The following ERC2 variants were observed in gnomAD, a reference collection of about 807,000 sequenced individuals.
The protein encoded by ERC2 is ELKS/RAB6-interacting/CAST family member 2.
A neutral mutation model predicts 114.8 loss-of-function variants in ERC2; 42 were observed. The observed-to-expected ratio is 0.37, with a 90% CI of 0.29 to 0.47. The LOEUF (loss-of-function observed/expected upper bound fraction) is 0.47, where lower values mean the gene tolerates loss of function less well. Among genes scored for constraint, ERC2 ranks in the 20% least tolerant of loss-of-function variants. The probability of loss-of-function intolerance (pLI) is 0.99; values close to 1 mark genes in which losing one functional copy is unlikely to be tolerated. For missense variants in ERC2, 939 were observed against 1,150.7 expected, an observed-to-expected ratio of 0.82 and a Z score of 2.66; for synonymous variants, 454 against 425.5, an observed-to-expected ratio of 1.07 and a Z score of -0.82.
At chr3:56,453,999 G>A (rs1016487982) in intron 1 of ERC2, among the ~76,000 whole-genome samples, 31 of 152,098 alleles carry the variant, frequency 2.0e-4, no homozygotes, top group African/African-American at 7.0e-4. Flanking sequence ...CAAAAGAAAG[G>A]CAACACATGC....
chr3:56,254,943 A>G (rs547822208), intron 3 of ERC2, among the ~76,000 whole-genome samples: 1 of 152,380 alleles, frequency 6.6e-6, no homozygotes, highest in Admixed American at 6.5e-5. Flanking sequence ...CCGGTGAAAA[A>G]TTATTGTAGC....
intron 14 of ERC2, among the ~76,000 whole-genome samples, chr3:55,742,451 GT>G (rs1339353850): frequency 6.6e-6 from 1 of 152,184 alleles, no homozygotes; most frequent in East Asian, 1.9e-4. Flanking sequence ...GTGGGTTCTT[GT>G]TTTAGTTAGC....
intron 4 of ERC2, among the ~76,000 whole-genome samples, chr3:56,156,296 G>A (rs2149974699): frequency 6.6e-6 from 1 of 152,302 alleles, no homozygotes; most frequent in South Asian, 2.1e-4. Flanking sequence ...TAAGAAAAAA[G>A]TTAAGATGGC....
chr3:55,636,290 G>T (rs2059955513), intron 17 of ERC2, among the ~76,000 whole-genome samples: 2 of 152,220 alleles, frequency 1.3e-5, no homozygotes, highest in African/African-American at 2.4e-5. Flanking sequence ...CTGTCAAAGA[G>T]TAAGGCTGAC....
chr3:55,584,046 GT>G (rs2057464510), intron 17 of ERC2, among the ~76,000 whole-genome samples: 1 of 152,142 alleles, frequency 6.6e-6, no homozygotes, highest in Non-Finnish European at 1.5e-5. Flanking sequence ...TTGATTCATC[GT>G]TAAAAGAGCT....
intron 3 of ERC2, among the ~76,000 whole-genome samples, chr3:56,256,266 C>G (rs2150246633): frequency 6.6e-6 from 1 of 152,326 alleles, no homozygotes; most frequent in Middle Eastern, 3.4e-3. Context: ...GTTAATATTT[C>G]AAAAACATTA....
intron 3 of ERC2, among the ~76,000 whole-genome samples, chr3:56,275,141 T>C (rs1344016208): frequency 6.6e-6 from 1 of 151,970 alleles, no homozygotes; most frequent in East Asian, 1.9e-4. Flanking sequence ...TCCCAAGCAA[T>C]GGAAGGGCCA....
chr3:56,239,378 C>T (rs906530122), intron 3 of ERC2, among the ~76,000 whole-genome samples: 4 of 152,066 alleles, frequency 2.6e-5, no homozygotes, highest in South Asian at 2.1e-4. Context: ...TGGTGGCATG[C>T]GCCTGTTGTC....
intron 15 of ERC2, 118 bp downstream of exon 15, chr3:55,734,653 G>T (rs1321771956): frequency 2.3e-6 from 3 of 1,286,902 alleles, no homozygotes; most frequent in East Asian, 2.5e-5. Flanking sequence ...CTCCTACCTG[G>T]TTTTAGGAGC....
intron 3 of ERC2, among the ~76,000 whole-genome samples, chr3:56,242,642 G>A (rs2150208141): frequency 6.6e-6 from 1 of 151,850 alleles, no homozygotes; most frequent in South Asian, 2.1e-4. Context: ...TTAAATTCTA[G>A]AATTTCTTAA....
intron 17 of ERC2, among the ~76,000 whole-genome samples, chr3:55,674,134 T>C (rs1376515501): frequency 1.3e-5 from 2 of 152,128 alleles, no homozygotes; most frequent in African/African-American, 4.8e-5. Context: ...GCAGAGCATA[T>C]CTTAAAATTA....
intron 2 of ERC2, among the ~76,000 whole-genome samples, chr3:56,363,978 A>G (rs1012641200): frequency 6.6e-6 from 1 of 152,214 alleles, no homozygotes; most frequent in Non-Finnish European, 1.5e-5. Context: ...CATTGCTTAC[A>G]AAACAAAATC....
chr3:55,834,237 A>G (rs2060765785), intron 14 of ERC2, among the ~76,000 whole-genome samples: 1 of 152,180 alleles, frequency 6.6e-6, no homozygotes, highest in African/African-American at 2.4e-5. Context: ...CAGGAATTGA[A>G]CTCAGCTCTG....
chr3:55,605,275 C>T (rs1017591652), intron 17 of ERC2, among the ~76,000 whole-genome samples: 2 of 152,072 alleles, frequency 1.3e-5, no homozygotes, highest in Non-Finnish European at 2.9e-5. Context: ...ACCACCATGC[C>T]TAGCCAATTA....
At chr3:55,806,663 C>T (rs1468118095) in intron 14 of ERC2, among the ~76,000 whole-genome samples, 1 of 152,118 alleles carries the variant, frequency 6.6e-6, no homozygotes, top group African/African-American at 2.4e-5. Flanking sequence ...ACTAAGCATC[C>T]TACAAGACAA....
At chr3:55,549,931 A>T (rs1478762643) in intron 17 of ERC2, among the ~76,000 whole-genome samples, 1 of 17,846 alleles carries the variant, frequency 5.6e-5, no homozygotes, top group African/African-American at 2.6e-4. Flanking sequence ...GACACACACA[A>T]GAGAGAGAGA....
At position 55,911,073 on chromosome 3, in the gene ERC2, T is replaced by C. The variant is rs533166628; in HGVS notation, c.2404-22524A>G. On this transcript the variant is annotated intron_variant, in intron 13 of 17. Coordinates refer to ENST00000288221, the MANE Select transcript of ERC2 (RefSeq NM_015576.3). ...GTCCCTCTCTTTGTCCCAAGGAAAT[T>C]ATCCACATGAACAGACTTTATTTCA... is the stretch of plus-strand genomic sequence containing the variant. 7.9e-5 allele frequency among the ~76,000 whole-genome samples: 12 copies of C among 152,214 alleles called. No individual in the cohort carries two copies. The East Asian group carries it at 2.3e-3, about 29-fold the overall frequency.
Position 55,902,447 on chromosome 3 carries a change from G to A in ERC2, c.2404-13898C>T, listed in dbSNP as rs139465404. Reference sequence around the variant, plus strand: ...CCTTGGGAAAAATCACTTCATACAGGGAAAACTCAGAACAAAGACGCCCAC... The same window carrying A: ...CCTTGGGAAAAATCACTTCATACAGAGAAAACTCAGAACAAAGACGCCCAC... On this transcript the variant is annotated intron_variant, in intron 13 of 17. Transcript: ENST00000288221. Among the ~76,000 whole-genome samples, 575 of 152,062 alleles carry A rather than the reference G, an allele frequency of 3.8e-3. 4 individuals carry two copies. The highest frequency in any genetic ancestry group is 0.034 in the Middle Eastern group (10 of 294).
chr3:56,054,816 G>T (rs1388316198), intron 7 of ERC2, among the ~76,000 whole-genome samples: 1 of 152,128 alleles, frequency 6.6e-6, no homozygotes, highest in Non-Finnish European at 1.5e-5. Context: ...GAAAACTGTT[G>T]CAGTAACAAT....
Sources: allele counts gnomAD v4.1 joint callset (sites outside exome capture counted in the v4.1 genomes callset), GRCh38; gene constraint gnomAD v4.1.1; transcripts MANE v1.5; gene names NCBI Gene and HGNC (gene_info 2026-07-23, HGNC 2026-07-21).